Variants in ARL8B observed in about 807,000 individuals in gnomAD.
ARL8B encodes the protein ARF like GTPase 8B, also known as ADP-ribosylation factor-like protein 8B.
In ARL8B, 9 loss-of-function variants were observed where a neutral mutation model predicts 30.6. That is an observed-to-expected ratio of 0.29 (90% confidence interval 0.18 to 0.51). The LOEUF is 0.51. ARL8B is among the 20% of genes least tolerant of loss of function. ARL8B has a pLI of 0.97. For missense variants in ARL8B, 130 were observed against 227.2 expected, an observed-to-expected ratio of 0.57 and a Z score of 2.75; for synonymous variants, 74 against 76.0, an observed-to-expected ratio of 0.97 and a Z score of 0.14.
chr3:5,160,309 C>T (rs567871032), intron 1 of ARL8B, among the ~76,000 whole-genome samples: 2 of 152,170 alleles, frequency 1.3e-5, no homozygotes, highest in Non-Finnish European at 2.9e-5. Context: ...TACTCACTAG[C>T]AAACTAATCA....
intron 1 of ARL8B, among the ~76,000 whole-genome samples, chr3:5,126,774 A>C (rs2054233204): frequency 6.6e-6 from 1 of 152,204 alleles, no homozygotes; most frequent in Admixed American, 6.5e-5. Flanking sequence ...GATTAGTGTC[A>C]AGGAATGAAG....
At chr3:5,174,478 ACAGCTT>A in intron 6 of ARL8B, 64 bp downstream of exon 6, 1 of 1,079,104 alleles carries the variant, frequency 9.3e-7, no homozygotes, top group Non-Finnish European at 1.4e-6. Flanking sequence ...TATGCTTCTT[ACAGCTT>A]ATTGTCTCGA....
chr3:5,154,793 C>T (rs1312241607), intron 1 of ARL8B, among the ~76,000 whole-genome samples: 2 of 152,234 alleles, frequency 1.3e-5, no homozygotes, highest in South Asian at 2.1e-4. Context: ...TCACTGCAAC[C>T]TCTGCCTCCG....
At chr3:5,171,579 C>T (rs2054676520) in intron 2 of ARL8B, among the ~76,000 whole-genome samples, 1 of 152,014 alleles carries the variant, frequency 6.6e-6, no homozygotes, top group Non-Finnish European at 1.5e-5. Context: ...AACTCCTGAC[C>T]CCAAGTGATC....
intron 1 of ARL8B, among the ~76,000 whole-genome samples, chr3:5,145,583 C>G (rs770641745): frequency 1.3e-5 from 2 of 152,186 alleles, no homozygotes; most frequent in Non-Finnish European, 2.9e-5. Context: ...TCTACTGTTA[C>G]AAACAGATGG....
chr3:5,142,296 TC>T (rs2054381436), intron 1 of ARL8B, among the ~76,000 whole-genome samples: 1 of 152,172 alleles, frequency 6.6e-6, no homozygotes. Context: ...CTTATTGAAC[TC>T]TGCCCCCTAT....
rs534014535 is a variant in ARL8B at position 5,173,985 on chromosome 3, A to G, written c.373-32A>G. 1.2e-4 allele frequency: 186 copies of G among 1,498,228 alleles called. 1 individual carries two copies. The South Asian group carries it at 1.9e-3, about 15-fold the overall frequency. The allele number at this position is 1,498,228 out of a possible 1,614,324, so 92.8% of individuals were successfully genotyped here. ...ACTTCTGTGACTTTTTCTTGCATAA[A>G]CGTGTGCTCTTAATATCTTTTCTTT... On this transcript the variant is annotated intron_variant, in intron 4 of 6. Coordinates refer to ENST00000256496, the MANE Select transcript of ARL8B (RefSeq NM_018184.3).
chr3:5,127,851 C>T (rs1301949451), intron 1 of ARL8B, among the ~76,000 whole-genome samples: 6 of 110,542 alleles, frequency 5.4e-5, no homozygotes, highest in African/African-American at 7.1e-5. Flanking sequence ...CCAGCCTGGG[C>T]AACAGAGCGA....
At position 5,122,328 on chromosome 3, in the gene ARL8B, C is replaced by G. The variant is rs761377241; in HGVS notation, c.-138C>G. The G allele has an allele frequency of 2.0e-6, 3 of 1,529,110 alleles. No individual in the cohort carries two copies. Among genetic ancestry groups the G allele is most frequent in the East Asian group, 5.0e-5 (2 of 40,400 alleles). The allele number at this position is 1,529,110 out of a possible 1,614,324, so 94.7% of individuals were successfully genotyped here. A position where few individuals can be genotyped will look rare whatever the true frequency, so the allele number is the denominator to read the frequency against. Reference sequence around the variant, plus strand: ...TCGGCTTCCTGGGTCTGGCTGCTGCCGCCCGCCGGTGTCCGCCCGTGTCGC... The same window carrying G: ...TCGGCTTCCTGGGTCTGGCTGCTGCGGCCCGCCGGTGTCCGCCCGTGTCGC... On this transcript the variant is annotated 5_prime_UTR_variant, in exon 1 of 7. Transcript: ENST00000256496.
intron 1 of ARL8B, among the ~76,000 whole-genome samples, chr3:5,135,754 G>A (rs1233390914): frequency 7.9e-6 from 1 of 125,830 alleles, no homozygotes; most frequent in East Asian, 2.4e-4. Flanking sequence ...ACCGCACCTG[G>A]CCTATTATTA....
chr3:5,174,437 G>T, intron 6 of ARL8B, 23 bp downstream of exon 6: 1 of 1,422,116 alleles, frequency 7.0e-7, no homozygotes, highest in African/African-American at 1.4e-5. Context: ...TGGTAATTTT[G>T]GAAGAAATGG....
At chr3:5,168,803 C>A (rs753185123) in intron 1 of ARL8B, among the ~76,000 whole-genome samples, 4 of 152,120 alleles carry the variant, frequency 2.6e-5, no homozygotes, top group Non-Finnish European at 5.9e-5. Flanking sequence ...GAAAGCTTTC[C>A]ATGCAAGCTA....
rs554930990 is a variant in ARL8B, at chr3:5,156,694, G to A, written c.124-13809G>A. The stretch of plus-strand genomic sequence containing the variant: ...GCCTCCCAAAGTGCTGGTATTATAG[G>A]CCTGAGCCACCATGCCCGGCCTCAA... On this transcript the variant is annotated intron_variant, in intron 1 of 6. Transcript: ENST00000256496. Among the ~76,000 whole-genome samples, 8 of 152,264 alleles carry A rather than the reference G, an allele frequency of 5.3e-5. No homozygotes were observed. In the South Asian group the frequency reaches 1.7e-3, roughly 32 times the overall value.
At position 5,180,489 on chromosome 3, in the gene ARL8B, CTG is replaced by C. The variant is rs1266917489; in HGVS notation, c.*1779_*1780del. On this transcript the variant is annotated 3_prime_UTR_variant, in exon 7 of 7. Transcript: ENST00000256496. Reference sequence around the variant, plus strand: ...GGAATTGGAACTAGAATGTGTGACTCTGTGGGGACTGCATAGGTTTGTTAATT... The same window carrying C: ...GGAATTGGAACTAGAATGTGTGACTCTGGGGACTGCATAGGTTTGTTAATT... 2 of 152,530 alleles carry C rather than the reference CTG, an allele frequency of 1.3e-5. No individual in the cohort carries two copies. Among genetic ancestry groups the C allele is most frequent in the African/African-American group, 2.4e-5 (1 of 41,474 alleles). The allele number at this position is 152,530 out of a possible 1,614,324, so 9.4% of individuals were successfully genotyped here.
At chr3:5,126,244 A>G (rs569851111) in intron 1 of ARL8B, among the ~76,000 whole-genome samples, 4 of 152,252 alleles carry the variant, frequency 2.6e-5, no homozygotes, top group South Asian at 4.1e-4. Flanking sequence ...GGTAGAAACA[A>G]TGTGTCCAAA....
At chr3:5,155,851 TTTG>T (rs1480489946) in intron 1 of ARL8B, among the ~76,000 whole-genome samples, 10 of 133,186 alleles carry the variant, frequency 7.5e-5, no homozygotes, top group South Asian at 2.2e-4. Context: ...GTGTTTTTTT[TTTG>T]TTGTTGTTGT....
chr3:5,177,975 G>T (rs1364697977), intron 6 of ARL8B, among the ~76,000 whole-genome samples: 1 of 152,206 alleles, frequency 6.6e-6, no homozygotes, highest in African/African-American at 2.4e-5. Flanking sequence ...ATGCATGTTA[G>T]CTGGGAAACT....
chr3:5,178,395 A>G (rs1287541798), intron 6 of ARL8B, among the ~76,000 whole-genome samples: 7 of 147,832 alleles, frequency 4.7e-5, no homozygotes, highest in African/African-American at 1.5e-4. Context: ...TTTGCATGCA[A>G]CACCTGATTG....
At position 5,138,632 on chromosome 3, in the gene ARL8B, C is replaced by A. The variant is rs538616137; in HGVS notation, c.123+16044C>A. Among the ~76,000 whole-genome samples the A allele has an allele frequency of 7.2e-5, 11 of 152,294 alleles. No homozygotes were observed. In the South Asian group the frequency reaches 2.3e-3, roughly 32 times the overall value. ...ACATGTGATTGAAAAGCATTCCTGTCACTCCAACTTCTTACTGCGCTTACT... is the reference window on the plus strand; with the variant it reads ...ACATGTGATTGAAAAGCATTCCTGTAACTCCAACTTCTTACTGCGCTTACT... On this transcript the variant is annotated intron_variant, in intron 1 of 6. Transcript: ENST00000256496.
Sources: allele counts gnomAD v4.1 joint callset (sites outside exome capture counted in the v4.1 genomes callset), GRCh38; gene constraint gnomAD v4.1.1; transcripts MANE v1.5; gene names NCBI Gene and HGNC (gene_info 2026-07-23, HGNC 2026-07-21).